The following HMG20A variants were observed in gnomAD, a reference collection of about 807,000 sequenced individuals.
HMG20A encodes high mobility group 20A.
HMG20A carries 17 observed loss-of-function variants against 43.9 expected under a neutral mutation model. The ratio of observed to expected loss-of-function variants is 0.39; its 90% confidence interval spans 0.27 to 0.58. HMG20A has a LOEUF of 0.58. Among genes scored for constraint, HMG20A ranks in the 20% least tolerant of loss-of-function variants. HMG20A has a pLI of 0.59. For missense variants in HMG20A, 341 were observed against 438.2 expected, an observed-to-expected ratio of 0.78 and a Z score of 1.98; for synonymous variants, 132 against 147.5, an observed-to-expected ratio of 0.89 and a Z score of 0.76.
Position 77,471,765 on chromosome 15 carries a change from A to G in HMG20A, c.584-18A>G. 1 of 1,553,470 alleles carries G rather than the reference A, an allele frequency of 6.4e-7. No homozygotes were observed. The highest frequency in any genetic ancestry group is 1.1e-5 in the South Asian group (1 of 88,188). ...TTCTTTTTAAATGTAATGTTCTCTT[A>G]TTCTTTTATATTTTTAGATGCAGCC... On this transcript the variant is annotated intron_variant, in intron 5 of 9. Transcript: ENST00000336216.
intron 1 of HMG20A, among the ~76,000 whole-genome samples, chr15:77,436,899 C>T (rs543035432): frequency 2.5e-4 from 38 of 152,134 alleles, no homozygotes; most frequent in Non-Finnish European, 4.1e-4. Context: ...GGGGAAAACC[C>T]GGATTTCTGA....
chr15:77,510,163 G>C, the HMG20A span, among the ~76,000 whole-genome samples: 1 of 152,156 alleles, frequency 6.6e-6, no homozygotes, highest in Admixed American at 6.5e-5. Flanking sequence ...TAGTCTTTGA[G>C]CTCCCTGAGG....
rs541293779 is a variant in HMG20A, at chr15:77,474,149, G to A, written c.615+2335G>A. Among the ~76,000 whole-genome samples, 27 of 152,322 alleles carry A rather than the reference G, an allele frequency of 1.8e-4. No homozygotes were observed. In the South Asian group the frequency reaches 4.8e-3, roughly 27 times the overall value. On this transcript the variant is annotated intron_variant, in intron 6 of 9. Coordinates refer to ENST00000336216, the MANE Select transcript of HMG20A (RefSeq NM_001304504.2). ...CCGCAGAAGGAGCCCATGGAAAGGA[G>A]TAATTGAATCAGGACTTAAAAATGA...
intron 7 of HMG20A, 57 bp from the exon 8 acceptor site, chr15:77,478,238 G>C: frequency 6.4e-7 from 1 of 1,559,778 alleles, no homozygotes; most frequent in Non-Finnish European, 8.8e-7. Flanking sequence ...GAGTCATTGG[G>C]ACTCCTCAGA....
the HMG20A span, among the ~76,000 whole-genome samples, chr15:77,519,095 G>T: frequency 6.6e-6 from 1 of 152,122 alleles, no homozygotes; most frequent in Non-Finnish European, 1.5e-5. Flanking sequence ...GCCACCTCCT[G>T]GGTCCATCCA....
In HMG20A at chr15:77,458,426, A is replaced by G. The variant is rs2072676061; in HGVS notation, c.19A>G (p.Ser7Gly). 1 of 1,612,926 alleles carries G rather than the reference A, an allele frequency of 6.2e-7. No individual in the cohort carries two copies. Among genetic ancestry groups the G allele is most frequent in the Admixed American group, 1.7e-5 (1 of 59,956 alleles). MENLMT[S>G]STLPPLFADE... ...CAGAGAGATGGAAAACTTGATGACT[A>G]GCTCCACCCTACCGCCCCTTTTTGC... is the stretch of plus-strand genomic sequence containing the variant. Residue 7 changes from serine (S) to glycine (G), a missense_variant, in exon 2 of 10, where the codon AGC becomes GGC. By Grantham distance (56) the Ser-to-Gly change is moderately conservative. This residue lies in a region of HMG20A where 220 missense variants were observed against 263.6 expected (regional missense o/e 0.83). Coordinates refer to ENST00000336216, the MANE Select transcript of HMG20A (RefSeq NM_001304504.2).
At chr15:77,435,980 TATATC>T (rs1457476159) in intron 1 of HMG20A, among the ~76,000 whole-genome samples, 1 of 152,208 alleles carries the variant, frequency 6.6e-6, no homozygotes, top group African/African-American at 2.4e-5. Context: ...CTCCTGAGGT[TATATC>T]ATACATTCAT....
chr15:77,458,289 G>C lies in HMG20A; in HGVS notation c.-4-115G>C, dbSNP rs941452584. On this transcript the variant is annotated intron_variant, in intron 1 of 9. Coordinates refer to ENST00000336216, the MANE Select transcript of HMG20A (RefSeq NM_001304504.2). ...GTCAAGAAAATAAATATTTAGGTCA[G>C]TTTTTATTCTGTTGCTTATATGATA... The C allele has an allele frequency of 6.6e-5, 43 of 655,016 alleles. No individual in the cohort carries two copies. The African/African-American group carries it at 6.8e-4, about 10-fold the overall frequency. 40.6% of individuals were successfully genotyped at this position (655,016 alleles called of 1,614,324 possible).
intron 1 of HMG20A, among the ~76,000 whole-genome samples, chr15:77,431,185 T>C (rs2073480818): frequency 6.6e-6 from 1 of 152,156 alleles, no homozygotes; most frequent in African/African-American, 2.4e-5. Context: ...TTTTTGCTTT[T>C]ACCTACTTGG....
At chr15:77,491,806 G>A in the HMG20A span, among the ~76,000 whole-genome samples, 1 of 152,316 alleles carries the variant, frequency 6.6e-6, no homozygotes, top group African/African-American at 2.4e-5. Context: ...TACATTTTTG[G>A]TGTACTCAAG....
At chr15:77,442,362 A>G (rs1482401460) in intron 1 of HMG20A, among the ~76,000 whole-genome samples, 2 of 152,188 alleles carry the variant, frequency 1.3e-5, no homozygotes, top group African/African-American at 4.8e-5. Context: ...GTATCAAAAT[A>G]TGTCAGTTAT....
the HMG20A span, among the ~76,000 whole-genome samples, chr15:77,511,251 CT>C: frequency 6.6e-6 from 1 of 152,052 alleles, no homozygotes; most frequent in Non-Finnish European, 1.5e-5. Flanking sequence ...ATGTATGGAT[CT>C]AGAAATAAAT....
chr15:77,476,079 C>T (rs906837315), intron 6 of HMG20A, among the ~76,000 whole-genome samples: 12 of 152,218 alleles, frequency 7.9e-5, no homozygotes, highest in Admixed American at 2.0e-4. Context: ...CCTTACTAGG[C>T]GGCCACCGTT....
At chr15:77,506,752 C>T in the HMG20A span, among the ~76,000 whole-genome samples, 1 of 152,212 alleles carries the variant, frequency 6.6e-6, no homozygotes, top group African/African-American at 2.4e-5. Context: ...GCAGAGGCTC[C>T]CAGACCCTGG....
chr15:77,426,318 A>G (rs1010138056), intron 1 of HMG20A, among the ~76,000 whole-genome samples: 2 of 152,206 alleles, frequency 1.3e-5, no homozygotes, highest in African/African-American at 4.8e-5. Context: ...TAACTACGTA[A>G]ATAGCTTACT....
the HMG20A span, among the ~76,000 whole-genome samples, chr15:77,507,780 C>T: frequency 6.6e-6 from 1 of 152,128 alleles, no homozygotes; most frequent in Non-Finnish European, 1.5e-5. Flanking sequence ...CAGCTCAGGG[C>T]CATTCTCCAA....
At position 77,484,462 on chromosome 15, in the gene HMG20A, C is replaced by G. The variant is rs529153719; in HGVS notation, c.*1499C>G. ...CACTGCAGGCAGGTGGATAGAAGTG[C>G]GGCCCCTCTCATAGTATGCCCATAA... is the stretch of plus-strand genomic sequence containing the variant. On this transcript the variant is annotated 3_prime_UTR_variant, in exon 10 of 10. Coordinates refer to ENST00000336216, the MANE Select transcript of HMG20A (RefSeq NM_001304504.2). The G allele has an allele frequency of 5.2e-5, 8 of 152,548 alleles. No individual in the cohort carries two copies. Among genetic ancestry groups the G allele is most frequent in the Non-Finnish European group, 7.3e-5 (5 of 68,058 alleles). The allele number at this position is 152,548 out of a possible 1,614,324, so 9.4% of individuals were successfully genotyped here.
chr15:77,445,293 A>G (rs533462340), intron 1 of HMG20A, among the ~76,000 whole-genome samples: 118 of 152,346 alleles, frequency 7.7e-4, no homozygotes, highest in African/African-American at 2.7e-3. Context: ...GTAAGAAAAT[A>G]GAGGAACAGT....
the HMG20A span, among the ~76,000 whole-genome samples, chr15:77,495,586 G>C: frequency 3.3e-5 from 5 of 152,080 alleles, no homozygotes; most frequent in Admixed American, 6.6e-5. Flanking sequence ...AGGCAGTAAA[G>C]TGGAAAACGG....
Sources: gnomAD v4.1 joint callset for allele counts (sites outside exome capture counted in the v4.1 genomes callset) on GRCh38, gnomAD v4.1.1 for gene constraint, gnomAD v4.1.1 regional missense constraint, MANE v1.5 for transcripts, NCBI Gene and HGNC (gene_info 2026-07-23, HGNC 2026-07-21) for gene names.